The following EYA2 variants were observed in gnomAD, a reference collection of about 807,000 sequenced individuals.
The protein encoded by EYA2 is protein phosphatase EYA2.
EYA2 carries 31 observed loss-of-function variants against 69.2 expected under a neutral mutation model. The observed-to-expected ratio is 0.45, with a 90% CI of 0.34 to 0.60. The LOEUF (loss-of-function observed/expected upper bound fraction) is 0.60. Among genes scored for constraint, EYA2 ranks in the 20% least tolerant of loss-of-function variants. EYA2 has a pLI of 0.02. For synonymous variants in EYA2, 257 were observed against 279.4 expected (o/e 0.92, Z 0.80); for missense variants, 622 against 701.2 (o/e 0.89, Z 1.28).
At chr20:46,914,563 AT>A (rs1452118754) in intron 1 of EYA2, among the ~76,000 whole-genome samples, 3 of 152,218 alleles carry the variant, frequency 2.0e-5, no homozygotes, top group Non-Finnish European at 4.4e-5. Context: ...AAGGAGGAGA[AT>A]CAGTGCCCAG....
intron 5 of EYA2, among the ~76,000 whole-genome samples, chr20:47,042,560 A>G (rs928336521): frequency 2.6e-5 from 4 of 152,198 alleles, no homozygotes; most frequent in Non-Finnish European, 5.9e-5. Context: ...TCTGTGAAGT[A>G]CAGGAGTTAG....
chr20:46,986,145 G>T (rs1981165677), intron 1 of EYA2, among the ~76,000 whole-genome samples: 1 of 151,888 alleles, frequency 6.6e-6, no homozygotes, highest in Admixed American at 6.6e-5. Flanking sequence ...ATTAGAGGGA[G>T]CAAGACACCT....
intron 11 of EYA2, among the ~76,000 whole-genome samples, chr20:47,169,565 A>C (rs893121382): frequency 6.6e-6 from 1 of 152,158 alleles, no homozygotes; most frequent in African/African-American, 2.4e-5. Context: ...TCATCACCTC[A>C]AATCACTAAA....
intron 12 of EYA2, among the ~76,000 whole-genome samples, chr20:47,173,244 A>G (rs2034361406): frequency 1.3e-5 from 2 of 152,046 alleles, no homozygotes; most frequent in South Asian, 4.1e-4. Context: ...CCTCAGGCCT[A>G]GCAAATCTGA....
intron 8 of EYA2, among the ~76,000 whole-genome samples, chr20:47,095,396 A>T (rs970384305): frequency 6.6e-6 from 1 of 152,136 alleles, no homozygotes; most frequent in Non-Finnish European, 1.5e-5. Context: ...AGAAAACAGT[A>T]GAAAAGATGG....
intron 6 of EYA2, among the ~76,000 whole-genome samples, 169 bp downstream of exon 6, chr20:47,072,421 G>A (rs1000203936): frequency 1.3e-5 from 2 of 152,178 alleles, no homozygotes; most frequent in Admixed American, 1.3e-4. Flanking sequence ...GCTGCTGGAA[G>A]GACACAGTAT....
At chr20:47,013,883 C>A (rs1216999332) in intron 4 of EYA2, among the ~76,000 whole-genome samples, 3 of 152,188 alleles carry the variant, frequency 2.0e-5, no homozygotes, top group African/African-American at 7.2e-5. Context: ...TTACTAAAGT[C>A]TGGCACCATC....
intron 1 of EYA2, among the ~76,000 whole-genome samples, chr20:46,960,548 G>A (rs1414226880): frequency 3.3e-5 from 5 of 152,160 alleles, no homozygotes; most frequent in Non-Finnish European, 7.3e-5. Context: ...GCCCAAGGTC[G>A]TGTGGCTGGG....
intron 7 of EYA2, among the ~76,000 whole-genome samples, chr20:47,084,694 C>T (rs1009896586): frequency 6.6e-6 from 1 of 152,138 alleles, no homozygotes; most frequent in Non-Finnish European, 1.5e-5. Context: ...CAATGAGACA[C>T]CACTACATAC....
rs547480675 is a variant in EYA2, at chr20:46,983,100, A to AT, written c.-10-6894dup. On this transcript the variant is annotated intron_variant, in intron 1 of 15. Coordinates refer to ENST00000327619, the MANE Select transcript of EYA2 (RefSeq NM_005244.5). Reference sequence around the variant, plus strand: ...TAATTTCCATTTTTAAAGAGCCTAGATTTTTTTAGCAGCATTCTCATCTTA... The same window carrying AT: ...TAATTTCCATTTTTAAAGAGCCTAGATTTTTTTTAGCAGCATTCTCATCTTA... Among the ~76,000 whole-genome samples the AT allele has an allele frequency of 7.8e-4, 119 of 152,170 alleles. 2 individuals are homozygous for AT. In the South Asian group the frequency reaches 0.021, roughly 27 times the overall value.
chr20:47,072,136 A>G (rs747234918), intron 5 of EYA2, 49 bp from the exon 6 acceptor site: 16 of 1,554,276 alleles, frequency 1.0e-5, no homozygotes, highest in Non-Finnish European at 1.4e-5. Flanking sequence ...CTTTAAAGAG[A>G]AAAAAAGACA....
At chr20:47,183,231 A>T in intron 14 of EYA2, 60 bp from the exon 15 acceptor site, 1 of 1,508,466 alleles carries the variant, frequency 6.6e-7, no homozygotes, top group Non-Finnish European at 9.2e-7. Context: ...ATGAGCGGGT[A>T]TTGGCTGCAA....
chr20:47,007,891 G>C (rs928971613), intron 4 of EYA2, among the ~76,000 whole-genome samples: 1 of 152,086 alleles, frequency 6.6e-6, no homozygotes, highest in African/African-American at 2.4e-5. Flanking sequence ...GCTTCCCAAA[G>C]TGCTACAATG....
chr20:47,167,634 G>A (rs1356832601), intron 10 of EYA2, among the ~76,000 whole-genome samples: 2 of 151,888 alleles, frequency 1.3e-5, no homozygotes, highest in African/African-American at 4.8e-5. Flanking sequence ...ACTTGTGTAT[G>A]TTGACTGTGG....
At chr20:46,944,403 G>C (rs1372338604) in intron 1 of EYA2, among the ~76,000 whole-genome samples, 2 of 152,188 alleles carry the variant, frequency 1.3e-5, no homozygotes, top group Non-Finnish European at 2.9e-5. Context: ...CACCTGGGCA[G>C]TGGGAATAAA....
intron 10 of EYA2, among the ~76,000 whole-genome samples, chr20:47,167,841 G>A (rs550618601): frequency 2.0e-5 from 3 of 152,116 alleles, no homozygotes; most frequent in Non-Finnish European, 4.4e-5. Flanking sequence ...TGCAGGTTCC[G>A]AGATAAGAAT....
chr20:46,935,980 C>T (rs773733942), intron 1 of EYA2, among the ~76,000 whole-genome samples: 2 of 152,064 alleles, frequency 1.3e-5, no homozygotes, highest in Non-Finnish European at 2.9e-5. Flanking sequence ...GGCTCAAGGG[C>T]AGTGCTCACG....
At chr20:47,154,819 T>TGTGTG (rs2033889072) in intron 10 of EYA2, among the ~76,000 whole-genome samples, 118 of 140,886 alleles carry the variant, frequency 8.4e-4, no homozygotes, top group African/African-American at 2.4e-3. Flanking sequence ...TTATTTTGTT[T>TGTGTG]TGTGTGTGTG....
chr20:47,016,309 GCTGTGGCCC>G lies in EYA2; in HGVS notation c.415+15_415+23del. 6.3e-7 allele frequency: 1 copy of G among 1,599,536 alleles called. No homozygotes were observed. The highest frequency in any genetic ancestry group is 8.6e-7 in the Non-Finnish European group (1 of 1,166,672). ...CTACCAGATGCACGGTCAGTGTGGC[GCTGTGGCCC>G]CTTCCTGCCCATCTCTAAGGACCAC... On this transcript the variant is annotated intron_variant, in intron 5 of 15. Coordinates refer to ENST00000327619, the MANE Select transcript of EYA2 (RefSeq NM_005244.5).
Sources: gnomAD v4.1 joint callset for allele counts (sites outside exome capture counted in the v4.1 genomes callset) on GRCh38, gnomAD v4.1.1 for gene constraint, MANE v1.5 for transcripts, NCBI Gene and HGNC (gene_info 2026-07-23, HGNC 2026-07-21) for gene names.